Variants in ZNF12 observed in about 807,000 individuals in gnomAD.
ZNF12 encodes gonadotropin inducible transcription repressor 3.
A neutral mutation model predicts 66.6 loss-of-function variants in ZNF12; 34 were observed. The observed-to-expected ratio is 0.51, with a 90% CI of 0.39 to 0.68. The LOEUF is 0.68. Among genes scored for constraint, ZNF12 ranks in the 30% least tolerant of loss-of-function variants. The pLI is 0.00. For missense variants in ZNF12, 697 were observed against 826.9 expected, an observed-to-expected ratio of 0.84 and a Z score of 1.93; for synonymous variants, 320 against 278.9, an observed-to-expected ratio of 1.15 and a Z score of -1.47.
intron 4 of ZNF12, among the ~76,000 whole-genome samples, chr7:6,695,942 A>C (rs1182782102): frequency 6.6e-6 from 1 of 152,246 alleles, no homozygotes; most frequent in Non-Finnish European, 1.5e-5. Flanking sequence ...AGTGTGAACC[A>C]AACGGAGTTT....
intron 2 of ZNF12, among the ~76,000 whole-genome samples, chr7:6,702,499 C>T (rs79184480): frequency 2.1e-4 from 22 of 103,018 alleles, no homozygotes; most frequent in East Asian, 3.0e-4. Flanking sequence ...CACACACACA[C>T]ACACACACAG....
At chr7:6,701,210 C>G (rs774082960) in intron 2 of ZNF12, among the ~76,000 whole-genome samples, 1 of 152,190 alleles carries the variant, frequency 6.6e-6, no homozygotes, top group Non-Finnish European at 1.5e-5. Flanking sequence ...TTGACCAGAA[C>G]GACTCCCATG....
rs1311358039 is a variant in ZNF12, at chr7:6,690,656, A to G, written c.*192T>C. 6 of 580,506 alleles carry G rather than the reference A, an allele frequency of 1.0e-5. No individual in the cohort carries two copies. Among genetic ancestry groups the G allele is most frequent in the Non-Finnish European group, 1.8e-5 (6 of 338,010 alleles). 36.0% of individuals were successfully genotyped at this position (580,506 alleles called of 1,614,324 possible). On this transcript the variant is annotated 3_prime_UTR_variant, in exon 5 of 5. Transcript: ENST00000405858. ...AATTTTTACTTGTCTATAGTCTAGT[A>G]TTGTTATACCATGTGGTCTTGTTAT...
At chr7:6,703,565 G>T (rs1780293621) in intron 2 of ZNF12, among the ~76,000 whole-genome samples, 1 of 152,178 alleles carries the variant, frequency 6.6e-6, no homozygotes, top group Non-Finnish European at 1.5e-5. Context: ...AGAAGGCATA[G>T]GTGGGGGGGC....
Position 6,705,219 on chromosome 7 carries a change from C to A in ZNF12, c.-46G>T. The A allele has an allele frequency of 6.2e-7, 1 of 1,612,852 alleles. No individual in the cohort carries two copies. Among genetic ancestry groups the A allele is most frequent in the Non-Finnish European group, 8.5e-7 (1 of 1,179,288 alleles). On this transcript the variant is annotated 5_prime_UTR_variant, in exon 2 of 5. Coordinates refer to ENST00000405858, the MANE Select transcript of ZNF12 (RefSeq NM_016265.4). The surrounding 1 kb of genome is among the most constrained non-coding windows in gnomAD (Gnocchi z 4.0). Reference sequence around the variant, plus strand: ...ATCTGGAGGACTGTGAAAGCGGAGGCAGATCTGGGGAAGGAAAACCCAAGC... The same window carrying A: ...ATCTGGAGGACTGTGAAAGCGGAGGAAGATCTGGGGAAGGAAAACCCAAGC...
chr7:6,701,348 G>A (rs992982045), intron 2 of ZNF12, among the ~76,000 whole-genome samples: 1 of 152,122 alleles, frequency 6.6e-6, no homozygotes. Context: ...AAGAAAAAAA[G>A]ACAAAATGCT....
At chr7:6,702,099 C>G (rs1780253696) in intron 2 of ZNF12, among the ~76,000 whole-genome samples, 1 of 152,072 alleles carries the variant, frequency 6.6e-6, no homozygotes, top group Non-Finnish European at 1.5e-5. Flanking sequence ...AATCCCAGCA[C>G]TATTTCTCAG....
Position 6,698,846 on chromosome 7 carries a change from A to G in ZNF12, c.16-1035T>C, listed in dbSNP as rs772617953. On this transcript the variant is annotated intron_variant, in intron 2 of 4. Transcript: ENST00000405858. This position sits in a 1 kb window ranked among gnomAD's most constrained non-coding sequence, Gnocchi z 4.4. ...TTCACAAGTACTCACACTAGCCATT[A>G]TAACTGTTTCCTTTAATATCATCCC... Among the ~76,000 whole-genome samples, 2 of 152,236 alleles carry G rather than the reference A, an allele frequency of 1.3e-5. No homozygotes were observed. The highest frequency in any genetic ancestry group is 2.1e-4 in the South Asian group (1 of 4,824).
chr7:6,698,089 A>C lies in ZNF12; in HGVS notation c.16-278T>G. The C allele has an allele frequency of 1.6e-6, 1 of 625,708 alleles. No homozygotes were observed. The highest frequency in any genetic ancestry group is 1.4e-5 in the South Asian group (1 of 69,944). The allele number at this position is 625,708 out of a possible 1,614,324, so 38.8% of individuals were successfully genotyped here. A position where few individuals can be genotyped will look rare whatever the true frequency, so the allele number is the denominator to read the frequency against. On this transcript the variant is annotated intron_variant, in intron 2 of 4. Transcript: ENST00000405858. This position sits in a 1 kb window ranked among gnomAD's most constrained non-coding sequence, Gnocchi z 4.4. Reference sequence around the variant, plus strand: ...GAACTCTTAACACCAGCAGGGACGAATCTCACCCCTGAGGAGCACAGGCCT... The same window carrying C: ...GAACTCTTAACACCAGCAGGGACGACTCTCACCCCTGAGGAGCACAGGCCT...
At position 6,692,349 on chromosome 7, in the gene ZNF12, G is replaced by A. The variant is rs758995778; in HGVS notation, c.593C>T (p.Pro198Leu). The change falls in exon 5 of 5, where the codon CCT becomes CTT. Residue 198 changes from proline (P) to leucine (L), a missense_variant. Physicochemically the swap from Pro to Leu is moderately conservative, Grantham distance 98 (BLOSUM62 -3). This residue lies in a region of ZNF12 where 241 missense variants were observed against 224.0 expected (regional missense o/e 1.08). Transcript: ENST00000405858. This position sits in a 1 kb window ranked among gnomAD's most constrained non-coding sequence, Gnocchi z 5.1. ...QAYEFNQNGE[P>L]YTLNEESLYQ... ...AAGACTTTCTTCATTTAGAGTATAA[G>A]GTTCCCCATTTTGATTAAATTCATA... 2 of 1,609,960 alleles carry A rather than the reference G, an allele frequency of 1.2e-6. No individual in the cohort carries two copies. The highest frequency in any genetic ancestry group is 8.5e-7 in the Non-Finnish European group (1 of 1,178,104).
rs1780295747 is a variant in ZNF12, at chr7:6,703,683, CA to C, written c.15+1475del. On this transcript the variant is annotated intron_variant, in intron 2 of 4. Coordinates refer to ENST00000405858, the MANE Select transcript of ZNF12 (RefSeq NM_016265.4). ...GCTGGACAGTTCTATGTGGGAAAAC[CA>C]ACACAGAGCTGGTAGTTAGAAGCAC... 2.6e-5 allele frequency among the ~76,000 whole-genome samples: 4 copies of C among 152,234 alleles called. No homozygotes were observed. In the East Asian group the frequency reaches 5.8e-4, roughly 22 times the overall value.
chr7:6,690,520 T>C lies in ZNF12; in HGVS notation c.*328A>G, dbSNP rs953709909. 1 of 200,096 alleles carries C rather than the reference T, an allele frequency of 5.0e-6. No homozygotes were observed. Among genetic ancestry groups the C allele is most frequent in the Non-Finnish European group, 1.0e-5 (1 of 99,358 alleles). The allele number at this position is 200,096 out of a possible 1,614,324, so 12.4% of individuals were successfully genotyped here. On this transcript the variant is annotated 3_prime_UTR_variant, in exon 5 of 5. Transcript: ENST00000405858. ...TTAGTATTAACAGTTTCCAAAGGAT[T>C]ATGTCTTCCACATTCCTTATACTGA...
Position 6,705,307 on chromosome 7 carries a change from A to G in ZNF12, c.-50-84T>C. On this transcript the variant is annotated intron_variant, in intron 1 of 4. Coordinates refer to ENST00000405858, the MANE Select transcript of ZNF12 (RefSeq NM_016265.4). This position sits in a 1 kb window ranked among gnomAD's most constrained non-coding sequence, Gnocchi z 4.0. Reference sequence around the variant, plus strand: ...ATCTCCCGCCCAAAACCTACACAGAAAGTTCCAAGAAGTACATCTTGTGGG... The same window carrying G: ...ATCTCCCGCCCAAAACCTACACAGAGAGTTCCAAGAAGTACATCTTGTGGG... 1.1e-6 allele frequency: 1 copy of G among 944,838 alleles called. No homozygotes were observed. Among genetic ancestry groups the G allele is most frequent in the South Asian group, 1.5e-5 (1 of 68,242 alleles). 58.5% of individuals were successfully genotyped at this position (944,838 alleles called of 1,614,324 possible).
In ZNF12 at chr7:6,700,013, T is replaced by G. The variant is rs550685541; in HGVS notation, c.16-2202A>C. The stretch of plus-strand genomic sequence containing the variant: ...AAAATATGCCAGGGACGGCCGGGCG[T>G]GGTGGCTCACACCTGTAATACCAGC... On this transcript the variant is annotated intron_variant, in intron 2 of 4. Transcript: ENST00000405858. 4.6e-5 allele frequency among the ~76,000 whole-genome samples: 7 copies of G among 151,796 alleles called. No homozygotes were observed. In the South Asian group the frequency reaches 1.3e-3, roughly 27 times the overall value.
In ZNF12 at chr7:6,697,519, C is replaced by CT. The variant is rs755614737; in HGVS notation, c.143-86dup. The stretch of plus-strand genomic sequence containing the variant: ...CATACAGGGAAAATTCCATTTGTGT[C>CT]TTATCAAAATCAGAACTTTTCACGG... On this transcript the variant is annotated intron_variant, in intron 3 of 4. Coordinates refer to ENST00000405858, the MANE Select transcript of ZNF12 (RefSeq NM_016265.4). The surrounding 1 kb of genome is among the most constrained non-coding windows in gnomAD (Gnocchi z 6.1). 115 of 1,530,644 alleles carry CT rather than the reference C, an allele frequency of 7.5e-5. No homozygotes were observed. Among genetic ancestry groups the CT allele is most frequent in the Non-Finnish European group, 1.0e-4 (115 of 1,120,812 alleles). The allele number at this position is 1,530,644 out of a possible 1,614,324, so 94.8% of individuals were successfully genotyped here. A position where few individuals can be genotyped will look rare whatever the true frequency, so the allele number is the denominator to read the frequency against.
At position 6,691,799 on chromosome 7, in the gene ZNF12, A is replaced by G. The variant is rs1452131635; in HGVS notation, c.1143T>C (p.Tyr381=). 3.3e-5 allele frequency: 53 copies of G among 1,613,914 alleles called. No homozygotes were observed. Among genetic ancestry groups the G allele is most frequent in the Middle Eastern group, 1.6e-4 (1 of 6,084 alleles). ...AGGTTTTCCCACAGTCATGACAAAC[A>G]TAAGGTCTCTCTCCTGAATGTGTTC... ...HQRTHSGERP[Y]VCHDCGKTFS... Residue 381 remains tyrosine (Y), a synonymous_variant, in exon 5 of 5, where the codon TAT becomes TAC. Transcript: ENST00000405858.
At chr7:6,702,461 A>AAG (rs1780266444) in intron 2 of ZNF12, among the ~76,000 whole-genome samples, 1 of 60,134 alleles carries the variant, frequency 1.7e-5, no homozygotes, top group Admixed American at 1.7e-4. Context: ...CAAACTCCAC[A>AAG]CGCACCAGAT....
In ZNF12 at chr7:6,691,158, T is replaced by A; in HGVS notation, c.1784A>T (p.His595Leu). 1 of 1,614,140 alleles carries A rather than the reference T, an allele frequency of 6.2e-7. No homozygotes were observed. ...TTTCTCTCCTGTGTGTGTTCTCTGA[T>A]GTCGATTAAGGGCTGAATTCTGGCA... ...TFCQNSALNRHQRTHTGEKAY... is the reference protein window; with the variant it reads ...TFCQNSALNRLQRTHTGEKAY... The change falls in exon 5 of 5, where the codon CAT (histidine) becomes CTT (leucine). Residue 595 changes from histidine to leucine, a missense_variant. His to Leu is a moderately conservative substitution (Grantham distance 99). Around this residue, in one of 3 missense-constraint regions of ZNF12, gnomAD observed 401 missense variants for 519.0 expected, o/e 0.77. Coordinates refer to ENST00000405858, the MANE Select transcript of ZNF12 (RefSeq NM_016265.4).
chr7:6,692,799 G>T lies in ZNF12; in HGVS notation c.239-96C>A, dbSNP rs1331684848. ...GATTTGTACACACGCATCTCATTGTGAGTAGATGCTAGCTTCATGAACAGA... is the reference window on the plus strand; with the variant it reads ...GATTTGTACACACGCATCTCATTGTTAGTAGATGCTAGCTTCATGAACAGA... On this transcript the variant is annotated intron_variant, in intron 4 of 4. Transcript: ENST00000405858. The surrounding 1 kb of genome is among the most constrained non-coding windows in gnomAD (Gnocchi z 5.1). 7 of 1,193,714 alleles carry T rather than the reference G, an allele frequency of 5.9e-6. No homozygotes were observed. In the Admixed American group the frequency reaches 1.8e-4, roughly 31 times the overall value. The allele number at this position is 1,193,714 out of a possible 1,614,324, so 73.9% of individuals were successfully genotyped here. A position where few individuals can be genotyped will look rare whatever the true frequency, so the allele number is the denominator to read the frequency against.
Sources: gnomAD v4.1 joint callset for allele counts (sites outside exome capture counted in the v4.1 genomes callset) on GRCh38, gnomAD v4.1.1 for gene constraint, gnomAD v4.1.1 regional missense constraint, Gnocchi (gnomAD v3.1) non-coding constraint, MANE v1.5 for transcripts, NCBI Gene and HGNC (gene_info 2026-07-23, HGNC 2026-07-21) for gene names.